The following BCL6B variants were observed in gnomAD, a reference collection of about 807,000 sequenced individuals.
The protein encoded by BCL6B is B-cell CLL/lymphoma 6 member B protein.
Under a neutral mutation model 44.6 loss-of-function variants are expected in BCL6B, and 28 were observed. The ratio of observed to expected loss-of-function variants is 0.63; its 90% confidence interval spans 0.47 to 0.86. The LOEUF (loss-of-function observed/expected upper bound fraction) is 0.86, where lower values mean the gene tolerates loss of function less well. BCL6B is among the 40% of genes least tolerant of loss of function. BCL6B has a pLI of 0.00. For synonymous variants in BCL6B, 268 were observed against 263.6 expected, an observed-to-expected ratio of 1.02 and a Z score of -0.16; for missense variants, 626 against 652.3, an observed-to-expected ratio of 0.96 and a Z score of 0.44.
At position 7,023,681 on chromosome 17, in the gene BCL6B, C is replaced by T; in HGVS notation, c.10C>T (p.Pro4Ser). 6.2e-7 allele frequency: 1 copy of T among 1,612,240 alleles called. No homozygotes were observed. The highest frequency in any genetic ancestry group is 8.5e-7 in the Non-Finnish European group (1 of 1,179,592). Residue 4 changes from proline (P) to serine (S), a missense_variant, in exon 2 of 9, where the codon CCC becomes TCC. Pro to Ser is a moderately conservative substitution (Grantham distance 74). Transcript: ENST00000293805. ...ACAGGCCTGTGTCGCTATGGGTTCC[C>T]CCGCCGCCCCGGAGGGAGCGCTGGG... is the stretch of plus-strand genomic sequence containing the variant. Reference protein sequence around the residue: MGSPAAPEGALGYV... With the variant: MGSSAAPEGALGYV...
At chr17:7,025,763 G>T (rs1340167143) in intron 5 of BCL6B, among the ~76,000 whole-genome samples, 1 of 147,348 alleles carries the variant, frequency 6.8e-6, no homozygotes, top group African/African-American at 2.5e-5. Context: ...TCTGAACCCG[G>T]GAGGTGGAGA....
chr17:7,024,475 G>A lies in BCL6B; in HGVS notation c.476G>A (p.Gly159Asp), dbSNP rs201409402. The change falls in exon 4 of 9, where the codon GGT (glycine) becomes GAT (aspartate). Residue 159 changes from glycine to aspartate, a missense_variant. Gly to Asp is a moderately conservative substitution (Grantham distance 94). Transcript: ENST00000293805. The surrounding 1 kb of genome is among the most constrained non-coding windows in gnomAD (Gnocchi z 6.6). Reference protein sequence around the residue: ...PPTPPTAPPPGSPRRSEGHPD... With the variant: ...PPTPPTAPPPDSPRRSEGHPD... ...ACACCCCCAACGGCCCCTCCACCAG[G>A]TAGTCCCAGGCGCTCCGAAGGACAC... The A allele has an allele frequency of 5.3e-5, 85 of 1,613,456 alleles. 1 individual carries two copies. In the African/African-American group the frequency reaches 6.4e-4, roughly 12 times the overall value.
In BCL6B at chr17:7,024,216, CCAG is replaced by C; in HGVS notation, c.315_317del (p.Ala106del). 6.2e-7 allele frequency: 1 copy of C among 1,613,932 alleles called. No individual in the cohort carries two copies. The highest frequency in any genetic ancestry group is 8.5e-7 in the Non-Finnish European group (1 of 1,180,028). The stretch of plus-strand genomic sequence containing the variant: ...GTACACTTCGCGCCTGCGCCTCTCT[CCAG>C]CCACTGCACCAGCAGTCCTAGCGGC... On this transcript the variant is annotated inframe_deletion, in exon 3 of 9. Coordinates refer to ENST00000293805, the MANE Select transcript of BCL6B (RefSeq NM_181844.4). The surrounding 1 kb of genome is among the most constrained non-coding windows in gnomAD (Gnocchi z 6.6).
In BCL6B at chr17:7,027,091, G is replaced by C; in HGVS notation, c.1323+4G>C. 4 of 1,613,784 alleles carry C rather than the reference G, an allele frequency of 2.5e-6. No homozygotes were observed. The highest frequency in any genetic ancestry group is 3.4e-6 in the Non-Finnish European group (4 of 1,179,992). ...CACCGGAGAGAAGCCTTACCACGTG[G>C]GTACCCAACCTGGCCTGCCCACTGC... is the stretch of plus-strand genomic sequence containing the variant. On this transcript the variant is annotated splice_donor_region_variant and intron_variant, in intron 8 of 8. Transcript: ENST00000293805.
intron 8 of BCL6B, 137 bp from the exon 9 acceptor site, chr17:7,027,366 T>C: frequency 9.1e-7 from 1 of 1,096,418 alleles, no homozygotes; most frequent in Non-Finnish European, 1.3e-6. Flanking sequence ...CCCCTGAGGA[T>C]TTGGGAGGAT....
Position 7,028,054 on chromosome 17 carries a change from A to C in BCL6B, c.*435A>C, listed in dbSNP as rs997074857. Reference sequence around the variant, plus strand: ...TGTGATTAAAAGTGACCAGAAACACAGAAGGTGAGATCACAGCTCTGCTGG... The same window carrying C: ...TGTGATTAAAAGTGACCAGAAACACCGAAGGTGAGATCACAGCTCTGCTGG... On this transcript the variant is annotated 3_prime_UTR_variant, in exon 9 of 9. Coordinates refer to ENST00000293805, the MANE Select transcript of BCL6B (RefSeq NM_181844.4). The C allele has an allele frequency of 3.0e-6, 3 of 996,684 alleles. No individual in the cohort carries two copies. The African/African-American group carries it at 5.2e-5, about 17-fold the overall frequency. The allele number at this position is 996,684 out of a possible 1,614,324, so 61.7% of individuals were successfully genotyped here.
chr17:7,024,321 CG>C lies in BCL6B; in HGVS notation c.401+19del. 6.2e-7 allele frequency: 1 copy of C among 1,613,692 alleles called. No homozygotes were observed. The highest frequency in any genetic ancestry group is 8.5e-7 in the Non-Finnish European group (1 of 1,179,954). ...CCAGGCCAGGTGAGGGACCCTGGCTCGGCGTTCTCTGTGGGTGAGGTGTTAA... is the reference window on the plus strand; with the variant it reads ...CCAGGCCAGGTGAGGGACCCTGGCTCGCGTTCTCTGTGGGTGAGGTGTTAA... On this transcript the variant is annotated intron_variant, in intron 3 of 8. Transcript: ENST00000293805. This position sits in a 1 kb window ranked among gnomAD's most constrained non-coding sequence, Gnocchi z 6.6.
At position 7,024,571 on chromosome 17, in the gene BCL6B, C is replaced by T. The variant is rs773938776; in HGVS notation, c.572C>T (p.Ala191Val). Reference protein sequence around the residue: ...PPSPASPDPKACNWKKYKYIV... With the variant: ...PPSPASPDPKVCNWKKYKYIV... ...AGTCCAGCCAGCCCTGACCCCAAGG[C>T]CTGCAACTGGAAAAAGTACAAGTAC... Residue 191 changes from alanine to valine, a missense_variant, in exon 4 of 9, where the codon GCC becomes GTC. Coordinates refer to ENST00000293805, the MANE Select transcript of BCL6B (RefSeq NM_181844.4). This position sits in a 1 kb window ranked among gnomAD's most constrained non-coding sequence, Gnocchi z 6.6. The T allele has an allele frequency of 9.9e-6, 16 of 1,613,964 alleles. No individual in the cohort carries two copies. Among genetic ancestry groups the T allele is most frequent in the Non-Finnish European group, 1.4e-5 (16 of 1,180,022 alleles).
intron 5 of BCL6B, among the ~76,000 whole-genome samples, 186 bp downstream of exon 5, chr17:7,025,386 C>T (rs1258753286): frequency 2.0e-5 from 3 of 152,190 alleles, no homozygotes; most frequent in Admixed American, 6.5e-5. Context: ...GGACATGGGA[C>T]GAGTCATCAG....
In BCL6B at chr17:7,026,971, G is replaced by A. The variant is rs200507334; in HGVS notation, c.1207G>A (p.Val403Met). ...CCAGGTGGCACATCTGCGGGCGCAC[G>A]TGCTGATCCACACCGGGGAGAAGCC... ...FVQVAHLRAH[V>M]LIHTGEKPYP... Residue 403 changes from valine (V) to methionine (M), a missense_variant, in exon 8 of 9, where the codon GTG (valine) becomes ATG (methionine). Val to Met is a conservative substitution (Grantham distance 21). Transcript: ENST00000293805. The A allele has an allele frequency of 1.1e-5, 18 of 1,612,900 alleles. No homozygotes were observed. In the African/African-American group the frequency reaches 1.2e-4, roughly 11 times the overall value.
chr17:7,026,676 C>A, intron 6 of BCL6B, 29 bp from the exon 7 acceptor site: 1 of 1,614,224 alleles, frequency 6.2e-7, no homozygotes, highest in Non-Finnish European at 8.5e-7. Context: ...AGGGCAAAGT[C>A]CCTGATCTCC....
intron 8 of BCL6B, 135 bp from the exon 9 acceptor site, chr17:7,027,368 T>C (rs1910326340): frequency 9.0e-7 from 1 of 1,113,056 alleles, no homozygotes; most frequent in Non-Finnish European, 1.3e-6. Flanking sequence ...CCTGAGGATT[T>C]GGGAGGATGT....
Position 7,024,593 on chromosome 17 carries a change from G to A in BCL6B, c.594G>A (p.Lys198=). Residue 198 remains lysine (K), a synonymous_variant, in exon 4 of 9, where the codon AAG becomes AAA. Coordinates refer to ENST00000293805, the MANE Select transcript of BCL6B (RefSeq NM_181844.4). The surrounding 1 kb of genome is among the most constrained non-coding windows in gnomAD (Gnocchi z 6.6). The part of the protein sequence containing the change: ...DPKACNWKKY[K]YIVLNSQASQ... ...AGGCCTGCAACTGGAAAAAGTACAAGTACATCGTGCTAAACTCTCAGGCCT... is the reference window on the plus strand; with the variant it reads ...AGGCCTGCAACTGGAAAAAGTACAAATACATCGTGCTAAACTCTCAGGCCT... The A allele has an allele frequency of 1.2e-6, 2 of 1,614,134 alleles. No homozygotes were observed. Among genetic ancestry groups the A allele is most frequent in the Non-Finnish European group, 8.5e-7 (1 of 1,180,036 alleles).
Position 7,028,539 on chromosome 17 carries a change from CATTA to C in BCL6B, c.*923_*926del. On this transcript the variant is annotated 3_prime_UTR_variant, in exon 9 of 9. Transcript: ENST00000293805. ...AGATGGTCCAGAATCTAAAATGTCC[CATTA>C]ATCTGGTCACTTGGGTTTGGCTCTG... The C allele has an allele frequency of 1.2e-6, 1 of 834,916 alleles. No individual in the cohort carries two copies. The highest frequency in any genetic ancestry group is 1.3e-6 in the Non-Finnish European group (1 of 762,180). 51.7% of individuals were successfully genotyped at this position (834,916 alleles called of 1,614,324 possible). A position where few individuals can be genotyped will look rare whatever the true frequency, so the allele number is the denominator to read the frequency against.
chr17:7,023,934 C>A, intron 2 of BCL6B, 84 bp downstream of exon 2: 1 of 1,553,032 alleles, frequency 6.4e-7, no homozygotes, highest in Non-Finnish European at 8.8e-7. Context: ...GAAGCCAAGT[C>A]TTTCAGAAGC....
Position 7,024,599 on chromosome 17 carries a change from C to G in BCL6B, c.600C>G (p.Ile200Met). The change falls in exon 4 of 9, where the codon ATC (isoleucine) becomes ATG (methionine). Residue 200 changes from isoleucine (I) to methionine (M), a missense_variant. Ile to Met is a conservative substitution (Grantham distance 10). Transcript: ENST00000293805. The surrounding 1 kb of genome is among the most constrained non-coding windows in gnomAD (Gnocchi z 6.6). ...KACNWKKYKY[I>M]VLNSQASQAG... is the part of the protein sequence containing the mutation. ...GCAACTGGAAAAAGTACAAGTACAT[C>G]GTGCTAAACTCTCAGGCCTCCCAAG... 6.2e-7 allele frequency: 1 copy of G among 1,614,162 alleles called. No homozygotes were observed. The highest frequency in any genetic ancestry group is 8.5e-7 in the Non-Finnish European group (1 of 1,180,030).
rs1567729675 is a variant in BCL6B, at chr17:7,027,806, T to A, written c.*187T>A. ...ATCCTGGCTAGATCTGCCTCTGTTT[T>A]GCTGGTCAAAACCTCTTCCCCACAA... On this transcript the variant is annotated 3_prime_UTR_variant, in exon 9 of 9. Coordinates refer to ENST00000293805, the MANE Select transcript of BCL6B (RefSeq NM_181844.4). 1 of 1,429,442 alleles carries A rather than the reference T, an allele frequency of 7.0e-7. No individual in the cohort carries two copies. The highest frequency in any genetic ancestry group is 9.1e-7 in the Non-Finnish European group (1 of 1,095,806). The allele number at this position is 1,429,442 out of a possible 1,614,324, so 88.5% of individuals were successfully genotyped here.
rs894935396 is a variant in BCL6B at position 7,029,224 on chromosome 17, G to A, written c.*1605G>A. The A allele has an allele frequency of 7.1e-6, 7 of 986,268 alleles. No homozygotes were observed. In the Admixed American group the frequency reaches 3.1e-4, roughly 43 times the overall value. 61.1% of individuals were successfully genotyped at this position (986,268 alleles called of 1,614,324 possible). On this transcript the variant is annotated 3_prime_UTR_variant, in exon 9 of 9. Transcript: ENST00000293805. ...TGCAGTTTCTGGTGTAGGCCAGGTAGGTAGAAAGTGAGGAACAGGGTTGCC... is the reference window on the plus strand; with the variant it reads ...TGCAGTTTCTGGTGTAGGCCAGGTAAGTAGAAAGTGAGGAACAGGGTTGCC...
rs781361037 is a variant in BCL6B, at chr17:7,026,613, T to C, written c.1046T>C (p.Val349Ala). 36 of 1,614,018 alleles carry C rather than the reference T, an allele frequency of 2.2e-5. No homozygotes were observed. The highest frequency in any genetic ancestry group is 2.7e-5 in the Non-Finnish European group (32 of 1,180,002). Residue 349 changes from valine to alanine, a missense_variant, in exon 6 of 9, where the codon GTG becomes GCG. Coordinates refer to ENST00000293805, the MANE Select transcript of BCL6B (RefSeq NM_181844.4). Reference sequence around the variant, plus strand: ...GGCAACCTTGCCAGTCATCGTACAGTGCACACAGGTAGGGGAAGAGAGGGC... The same window carrying C: ...GGCAACCTTGCCAGTCATCGTACAGCGCACACAGGTAGGGGAAGAGAGGGC... The part of the protein sequence containing the change: ...YKGNLASHRT[V>A]HTGEKPYHCS...
Sources: gnomAD v4.1 joint callset for allele counts (sites outside exome capture counted in the v4.1 genomes callset) on GRCh38, gnomAD v4.1.1 for gene constraint, Gnocchi (gnomAD v3.1) non-coding constraint, MANE v1.5 for transcripts, NCBI Gene and HGNC (gene_info 2026-07-23, HGNC 2026-07-21) for gene names.